The following SYN3 variants were observed in gnomAD, a reference collection of about 807,000 sequenced individuals.
SYN3 encodes synapsin III, also known as synapsin-3.
Under a neutral mutation model 65.8 loss-of-function variants are expected in SYN3, and 35 were observed. The ratio of observed to expected loss-of-function variants is 0.53; its 90% CI spans 0.41 to 0.70. The LOEUF is 0.70. SYN3 is among the 30% of genes least tolerant of loss of function. The pLI is 0.00. For synonymous variants in SYN3, 270 were observed against 292.9 expected (o/e 0.92, Z 0.80); for missense variants, 680 against 749.0 (o/e 0.91, Z 1.08).
At chr22:32,650,258 C>CTCTCT (rs1555915839) in intron 6 of SYN3, among the ~76,000 whole-genome samples, 1 of 86,264 alleles carries the variant, frequency 1.2e-5, no homozygotes, top group Non-Finnish European at 2.0e-5. Flanking sequence ...TCCCTCCCTC[C>CTCTCT]CTCTCTCTCT....
chr22:32,811,762 T>C (rs1359320107), intron 6 of SYN3, among the ~76,000 whole-genome samples: 1 of 152,098 alleles, frequency 6.6e-6, no homozygotes, highest in African/African-American at 2.4e-5. Flanking sequence ...GGCTTAGCCA[T>C]ATAGCCAATA....
At chr22:32,998,795 A>C (rs934147806) in intron 2 of SYN3, among the ~76,000 whole-genome samples, 2 of 150,342 alleles carry the variant, frequency 1.3e-5, no homozygotes, top group African/African-American at 2.4e-5. Context: ...AAAAAAAAAA[A>C]AAAACAAAAG....
intron 3 of SYN3, among the ~76,000 whole-genome samples, chr22:32,936,870 G>T (rs1185050643): frequency 6.6e-6 from 1 of 152,158 alleles, no homozygotes; most frequent in African/African-American, 2.4e-5. Context: ...CCATGTCTTG[G>T]AAAACTCCTT....
chr22:33,043,870 T>C (rs1276307270), intron 1 of SYN3, among the ~76,000 whole-genome samples: 1 of 152,106 alleles, frequency 6.6e-6, no homozygotes, highest in Non-Finnish European at 1.5e-5. Context: ...CTGGCCAACA[T>C]GGTGAAACAC....
At chr22:32,587,953 C>A (rs535349015) in intron 7 of SYN3, among the ~76,000 whole-genome samples, 1 of 152,234 alleles carries the variant, frequency 6.6e-6, no homozygotes, top group Admixed American at 6.5e-5. Flanking sequence ...TTGTGCCCCA[C>A]TCCACCATTT....
chr22:32,771,640 A>T (rs1019316986), intron 6 of SYN3, among the ~76,000 whole-genome samples: 1 of 152,218 alleles, frequency 6.6e-6, no homozygotes, highest in Non-Finnish European at 1.5e-5. Flanking sequence ...GCCCAAATAC[A>T]TCTACATCAT....
At chr22:32,567,320 T>TCCTCCCTCCCTCCCTCCCTC (rs778082624) in intron 7 of SYN3, among the ~76,000 whole-genome samples, 1 of 121,550 alleles carries the variant, frequency 8.2e-6, no homozygotes, top group Non-Finnish European at 1.7e-5. Flanking sequence ...ATGACGGAGA[T>TCCTCCCTCCCTCCCTCCCTC]CCTCCCTCCC....
chr22:32,686,578 A>G (rs1461405117), intron 6 of SYN3, among the ~76,000 whole-genome samples: 3 of 144,632 alleles, frequency 2.1e-5, no homozygotes, highest in African/African-American at 7.7e-5. Context: ...TTTCCAGTCC[A>G]GCTGCTCCTC....
At chr22:32,670,389 A>AG (rs1033474272) in intron 6 of SYN3, among the ~76,000 whole-genome samples, 9 of 152,204 alleles carry the variant, frequency 5.9e-5, no homozygotes. Flanking sequence ...TTTAGGCTAT[A>AG]GGGGGGAAAA....
intron 6 of SYN3, among the ~76,000 whole-genome samples, chr22:32,639,612 T>C (rs1230837728): frequency 6.6e-6 from 1 of 151,620 alleles, no homozygotes; most frequent in East Asian, 1.9e-4. Flanking sequence ...TCAGTGGTGC[T>C]ATCATAGCTC....
At chr22:33,003,026 C>T (rs944820556) in intron 2 of SYN3, among the ~76,000 whole-genome samples, 1 of 152,168 alleles carries the variant, frequency 6.6e-6, no homozygotes, top group Non-Finnish European at 1.5e-5. Flanking sequence ...CTTCACTTGG[C>T]ACTCATTCAT....
chr22:32,734,901 C>A (rs183180045), intron 6 of SYN3, among the ~76,000 whole-genome samples: 1 of 152,206 alleles, frequency 6.6e-6, no homozygotes, highest in African/African-American at 2.4e-5. Flanking sequence ...CAGTCTTCGG[C>A]ATCCATTCTA....
chr22:32,626,142 T>G (rs1398997198), intron 6 of SYN3, among the ~76,000 whole-genome samples: 1 of 152,040 alleles, frequency 6.6e-6, no homozygotes, highest in East Asian at 1.9e-4. Flanking sequence ...GGGAATGGCT[T>G]GAGAAGAGGC....
chr22:32,968,915 T>C (rs2051930332), intron 3 of SYN3, among the ~76,000 whole-genome samples: 1 of 152,210 alleles, frequency 6.6e-6, no homozygotes, highest in African/African-American at 2.4e-5. Context: ...CGGTGAGTGC[T>C]TCTTGAATGA....
intron 3 of SYN3, among the ~76,000 whole-genome samples, chr22:32,954,244 T>G (rs2051377919): frequency 6.6e-6 from 1 of 152,096 alleles, no homozygotes. Context: ...ATAATGTCCC[T>G]AGGACAGGAA....
At chr22:32,615,432 TAA>T (rs1190319833) in intron 6 of SYN3, among the ~76,000 whole-genome samples, 9 of 74,398 alleles carry the variant, frequency 1.2e-4, no homozygotes, top group African/African-American at 2.0e-4. Flanking sequence ...AGACTTCATC[TAA>T]AAAAAAAAAA....
intron 10 of SYN3, among the ~76,000 whole-genome samples, chr22:32,531,576 TC>T (rs2058071909): frequency 6.6e-6 from 1 of 152,166 alleles, no homozygotes; most frequent in African/African-American, 2.4e-5. Context: ...AAGGGTCTTT[TC>T]CCCTGAGTAT....
intron 6 of SYN3, among the ~76,000 whole-genome samples, chr22:32,691,551 C>T (rs888079883): frequency 9.9e-5 from 15 of 152,214 alleles, no homozygotes; most frequent in African/African-American, 3.1e-4. Context: ...CTACATCCAC[C>T]CGCCCATAAT....
At chr22:32,877,993 G>A (rs1291213163) in intron 4 of SYN3, among the ~76,000 whole-genome samples, 1 of 152,138 alleles carries the variant, frequency 6.6e-6, no homozygotes, top group African/African-American at 2.4e-5. Context: ...AACTCTACAA[G>A]GTAGATACGA....
Sources: allele counts gnomAD v4.1 joint callset (sites outside exome capture counted in the v4.1 genomes callset), GRCh38; gene constraint gnomAD v4.1.1; transcripts MANE v1.5; gene names NCBI Gene and HGNC (gene_info 2026-07-23, HGNC 2026-07-21).